DOCK1: variants seen among roughly 807,000 people sequenced by gnomAD.
DOCK1 encodes the protein dedicator of cytokinesis protein 1.
DOCK1 carries 138 observed loss-of-function variants against 262.7 expected under a neutral mutation model. That is an observed-to-expected ratio of 0.53 (90% CI 0.46 to 0.61). DOCK1 has a LOEUF of 0.61. DOCK1 is among the 20% of genes least tolerant of loss of function. The pLI, the probability that DOCK1 is intolerant of heterozygous loss-of-function variation, is 0.00. For missense variants in DOCK1, 1,908 were observed against 2,370.7 expected, an observed-to-expected ratio of 0.80 and a Z score of 4.05; for synonymous variants, 866 against 867.4, an observed-to-expected ratio of 1.00 and a Z score of 0.03.
At chr10:127,337,649 G>A (rs140371034) in intron 29 of DOCK1, among the ~76,000 whole-genome samples, 1 of 152,274 alleles carries the variant, frequency 6.6e-6, no homozygotes, top group African/African-American at 2.4e-5. Context: ...TCCATTAATA[G>A]TCACTTAGAA....
intron 29 of DOCK1, among the ~76,000 whole-genome samples, chr10:127,301,914 C>G (rs2061692013): frequency 6.6e-6 from 1 of 150,396 alleles, no homozygotes; most frequent in South Asian, 2.1e-4. Context: ...CCACTGCACT[C>G]CAGCCTGGGT....
At chr10:127,376,935 A>G (rs1458672651) in intron 35 of DOCK1, among the ~76,000 whole-genome samples, 2 of 152,204 alleles carry the variant, frequency 1.3e-5, no homozygotes, top group Non-Finnish European at 2.9e-5. Flanking sequence ...CACGGTTTCT[A>G]ATGTGAACCT....
chr10:127,293,190 C>T (rs553937296), intron 29 of DOCK1, among the ~76,000 whole-genome samples: 12 of 152,282 alleles, frequency 7.9e-5, no homozygotes, highest in African/African-American at 2.6e-4. Context: ...GGACGTTGAG[C>T]TCCTGTGCAT....
intron 27 of DOCK1, among the ~76,000 whole-genome samples, chr10:127,215,750 C>T (rs1165479752): frequency 1.3e-5 from 2 of 152,050 alleles, no homozygotes; most frequent in African/African-American, 4.8e-5. Flanking sequence ...GTCCTACCTA[C>T]ATATGGGATG....
At chr10:127,253,422 C>T (rs931227145) in intron 28 of DOCK1, among the ~76,000 whole-genome samples, 1 of 152,142 alleles carries the variant, frequency 6.6e-6, no homozygotes, top group Non-Finnish European at 1.5e-5. Flanking sequence ...GGATGTCCTA[C>T]AATTCAATTC....
chr10:127,203,252 C>T (rs751604462), intron 27 of DOCK1, among the ~76,000 whole-genome samples: 2 of 152,128 alleles, frequency 1.3e-5, no homozygotes, highest in African/African-American at 4.8e-5. Flanking sequence ...ATTACCATGG[C>T]CTTTTGATTA....
intron 46 of DOCK1, among the ~76,000 whole-genome samples, chr10:127,424,562 C>T (rs1046048299): frequency 2.0e-5 from 3 of 152,178 alleles, no homozygotes; most frequent in Non-Finnish European, 4.4e-5. Context: ...CCAACACATT[C>T]GACATCCCAC....
intron 43 of DOCK1, among the ~76,000 whole-genome samples, chr10:127,414,923 T>C (rs2068070628): frequency 6.6e-6 from 1 of 152,204 alleles, no homozygotes; most frequent in African/African-American, 2.4e-5. Context: ...TGGGCAATGT[T>C]GGCTAGGGGA....
chr10:127,319,158 G>A lies in DOCK1; in HGVS notation c.3045-19848G>A, dbSNP rs569982340. 2.0e-4 allele frequency among the ~76,000 whole-genome samples: 30 copies of A among 152,376 alleles called. No homozygotes were observed. In the East Asian group the frequency reaches 2.3e-3, roughly 12 times the overall value. ...AACCAAGAGAGATCACCAAAGGCGC[G>A]TGGTGCAAATACTGATCACATCAGT... On this transcript the variant is annotated intron_variant, in intron 29 of 51. Transcript: ENST00000623213.
At chr10:126,958,141 A>G (rs1041416628) in intron 1 of DOCK1, among the ~76,000 whole-genome samples, 3 of 151,712 alleles carry the variant, frequency 2.0e-5, no homozygotes, top group Non-Finnish European at 4.4e-5. Context: ...ATAGAATTAT[A>G]TAAAAGTCAC....
intron 29 of DOCK1, among the ~76,000 whole-genome samples, chr10:127,271,228 T>G (rs1274728537): frequency 6.6e-6 from 1 of 152,180 alleles, no homozygotes; most frequent in Admixed American, 6.5e-5. Context: ...TGCTGGTGAC[T>G]GTCTGGGTAG....
At chr10:127,094,710 A>G (rs1490793308) in intron 23 of DOCK1, among the ~76,000 whole-genome samples, 2 of 152,200 alleles carry the variant, frequency 1.3e-5, no homozygotes, top group Non-Finnish European at 2.9e-5. Flanking sequence ...ATTTTGTCAG[A>G]TTATTCAGAC....
At chr10:127,063,185 G>T (rs1416091789) in intron 23 of DOCK1, among the ~76,000 whole-genome samples, 1 of 152,222 alleles carries the variant, frequency 6.6e-6, no homozygotes, top group Non-Finnish European at 1.5e-5. Context: ...ACTGATCATG[G>T]TAGACGCCTC....
rs533796403 is a variant in DOCK1, at chr10:126,920,404, T to G, written c.46+14841T>G. Among the ~76,000 whole-genome samples the G allele has an allele frequency of 2.0e-3, 298 of 152,310 alleles. 2 individuals carry two copies. Among genetic ancestry groups the G allele is most frequent in the African/African-American group, 6.9e-3 (285 of 41,564 alleles). On this transcript the variant is annotated intron_variant, in intron 1 of 51. Coordinates refer to ENST00000623213, the MANE Select transcript of DOCK1 (RefSeq NM_001290223.2). ...AGAAAAGTGGATTTTGAAGGGAGAT[T>G]GTGCTTGAGTCACGCTTCCAGCTCC...
intron 41 of DOCK1, 36 bp downstream of exon 41, chr10:127,409,214 A>G (rs536685352): frequency 4.3e-6 from 7 of 1,612,166 alleles, no homozygotes; most frequent in East Asian, 4.5e-5. Context: ...CTCTGAAACC[A>G]TGGTGATGCC....
At chr10:127,302,741 G>GGT (rs1196456742) in intron 29 of DOCK1, among the ~76,000 whole-genome samples, 42 of 108,166 alleles carry the variant, frequency 3.9e-4, no homozygotes, top group East Asian at 2.3e-3. Flanking sequence ...GAAAAGAGGG[G>GGT]GTGTGTGTGT....
At chr10:127,351,358 A>T (rs1317251919) in intron 31 of DOCK1, among the ~76,000 whole-genome samples, 3 of 152,120 alleles carry the variant, frequency 2.0e-5, no homozygotes, top group Non-Finnish European at 4.4e-5. Flanking sequence ...CTCAGCTCTT[A>T]TTGAGAAAAT....
chr10:127,373,792 G>A lies in DOCK1; in HGVS notation c.3444G>A (p.Glu1148=). 6.2e-7 allele frequency: 1 copy of A among 1,610,336 alleles called. No individual in the cohort carries two copies. Among genetic ancestry groups the A allele is most frequent in the Non-Finnish European group, 8.5e-7 (1 of 1,178,260 alleles). The change falls in exon 34 of 52, where the codon GAG becomes GAA. Residue 1148 remains glutamate, a synonymous_variant. Transcript: ENST00000623213. ...STRSFQMFEN[E]IITKLDHEVE... is the part of the protein sequence containing the mutation. ...CTGTTTAATTATAGTTTGAAAATGAGATCATCACCAAGCTGGATCATGAAG... is the reference window on the plus strand; with the variant it reads ...CTGTTTAATTATAGTTTGAAAATGAAATCATCACCAAGCTGGATCATGAAG...
chr10:127,279,586 T>C (rs2060869274), intron 29 of DOCK1, among the ~76,000 whole-genome samples: 1 of 152,212 alleles, frequency 6.6e-6, no homozygotes, highest in Non-Finnish European at 1.5e-5. Context: ...TATTTGGGGT[T>C]AAATATAAAG....
Sources: gnomAD v4.1 joint callset for allele counts (sites outside exome capture counted in the v4.1 genomes callset) on GRCh38, gnomAD v4.1.1 for gene constraint, MANE v1.5 for transcripts, NCBI Gene and HGNC (gene_info 2026-07-23, HGNC 2026-07-21) for gene names.